CADM2: variants seen among roughly 807,000 people sequenced by gnomAD.
CADM2 encodes the protein immunoglobulin superfamily member 4D.
A neutral mutation model predicts 49.8 loss-of-function variants in CADM2; 12 were observed. That is an observed-to-expected ratio of 0.24 (90% CI 0.15 to 0.39). CADM2 has a LOEUF of 0.39. CADM2 is among the 10% of genes least tolerant of loss of function. The pLI, the probability that CADM2 is intolerant of heterozygous loss-of-function variation, is 1.00. For missense variants in CADM2, 378 were observed against 492.3 expected (o/e 0.77, Z 2.20); for synonymous variants, 214 against 175.4 (o/e 1.22, Z -1.74).
chr3:85,194,198 G>A (rs921058975), intron 1 of CADM2, among the ~76,000 whole-genome samples: 2 of 152,064 alleles, frequency 1.3e-5, no homozygotes, highest in Non-Finnish European at 2.9e-5. Flanking sequence ...AAGTGCGCTA[G>A]GTAAGAGGGT....
At chr3:84,967,317 A>T (rs926418241) in intron 1 of CADM2, among the ~76,000 whole-genome samples, 2 of 152,100 alleles carry the variant, frequency 1.3e-5, no homozygotes, top group Non-Finnish European at 2.9e-5. Flanking sequence ...TAGTGTGTAA[A>T]AAAAGTCCTA....
chr3:85,147,228 T>C (rs1197597597), intron 1 of CADM2, among the ~76,000 whole-genome samples: 7 of 138,050 alleles, frequency 5.1e-5, no homozygotes, highest in African/African-American at 8.1e-5. Flanking sequence ...TGAGCTGAGA[T>C]TGTGCCACAG....
intron 8 of CADM2, among the ~76,000 whole-genome samples, chr3:86,044,109 T>C (rs1392982609): frequency 1.3e-5 from 2 of 152,194 alleles, no homozygotes; most frequent in East Asian, 3.8e-4. Flanking sequence ...ATAAAAATCC[T>C]AGAAGAAAAC....
chr3:86,014,215 G>A (rs9810010), intron 8 of CADM2: 246,588 of 1,288,368 alleles, frequency 0.19, 25,974 homozygotes, highest in East Asian at 0.36. Context: ...ATTAGATGGA[G>A]TAACTGTGTA....
chr3:85,707,886 A>C (rs1327522641), intron 1 of CADM2, among the ~76,000 whole-genome samples: 1 of 152,182 alleles, frequency 6.6e-6, no homozygotes, highest in Non-Finnish European at 1.5e-5. Flanking sequence ...CACCATGTGG[A>C]ATATATTATA....
intron 1 of CADM2, among the ~76,000 whole-genome samples, chr3:85,105,908 C>T (rs1310293775): frequency 2.0e-5 from 3 of 149,168 alleles, no homozygotes; most frequent in African/African-American, 7.5e-5. Flanking sequence ...AACACATGGA[C>T]ACAGGAAGGG....
At chr3:85,791,192 C>T (rs1343779752) in intron 2 of CADM2, among the ~76,000 whole-genome samples, 2 of 152,138 alleles carry the variant, frequency 1.3e-5, no homozygotes, top group African/African-American at 2.4e-5. Context: ...TTTCCTATCT[C>T]ACATGATAGA....
intron 1 of CADM2, among the ~76,000 whole-genome samples, chr3:85,459,168 G>A (rs1291085057): frequency 1.3e-5 from 2 of 152,156 alleles, no homozygotes; most frequent in Non-Finnish European, 2.9e-5. Flanking sequence ...GGTTAGCTCA[G>A]TGGCCCATGT....
chr3:85,627,851 G>T (rs2064172947), intron 1 of CADM2, among the ~76,000 whole-genome samples: 1 of 152,010 alleles, frequency 6.6e-6, no homozygotes, highest in South Asian at 2.1e-4. Flanking sequence ...TAGAGAATTG[G>T]ACAACTGCGA....
intron 1 of CADM2, among the ~76,000 whole-genome samples, chr3:85,262,795 T>A (rs1343641393): frequency 7.9e-6 from 1 of 126,048 alleles, no homozygotes; most frequent in African/African-American, 3.0e-5. Context: ...CATCTATTAT[T>A]TTTATAGAAC....
At chr3:85,100,070 A>T (rs956208934) in intron 1 of CADM2, among the ~76,000 whole-genome samples, 2 of 152,080 alleles carry the variant, frequency 1.3e-5, no homozygotes, top group African/African-American at 4.8e-5. Flanking sequence ...TGACTATTAC[A>T]CTTTCAGTGT....
chr3:85,839,993 G>C (rs1263071150), intron 3 of CADM2, among the ~76,000 whole-genome samples: 1 of 151,802 alleles, frequency 6.6e-6, no homozygotes, highest in African/African-American at 2.4e-5. Flanking sequence ...ATTCTACTCA[G>C]AATTGTATAC....
At chr3:85,556,023 G>C (rs2061948726) in intron 1 of CADM2, among the ~76,000 whole-genome samples, 1 of 152,014 alleles carries the variant, frequency 6.6e-6, no homozygotes, top group Admixed American at 6.6e-5. Context: ...ACAAGGATCA[G>C]GGGCATTGAC....
At chr3:85,833,145 A>T (rs2074255820) in intron 3 of CADM2, among the ~76,000 whole-genome samples, 1 of 151,894 alleles carries the variant, frequency 6.6e-6, no homozygotes, top group Non-Finnish European at 1.5e-5. Context: ...CTAAACCATC[A>T]CTGCATCCCA....
At chr3:85,946,834 A>G (rs1378491784) in intron 7 of CADM2, among the ~76,000 whole-genome samples, 3 of 152,198 alleles carry the variant, frequency 2.0e-5, no homozygotes, top group Admixed American at 6.6e-5. Context: ...ACCTAAAACC[A>G]TAAAAACCCT....
chr3:85,421,612 T>C (rs2107498836), intron 1 of CADM2, among the ~76,000 whole-genome samples: 1 of 152,312 alleles, frequency 6.6e-6, no homozygotes, highest in South Asian at 2.1e-4. Context: ...TGGTCCTGAA[T>C]CTTTTCCTTT....
chr3:86,063,396 G>A (rs532626801), intron 8 of CADM2, among the ~76,000 whole-genome samples: 42 of 152,274 alleles, frequency 2.8e-4, no homozygotes, highest in African/African-American at 9.1e-4. Context: ...AAACATGCCA[G>A]GCTGGCATTA....
intron 1 of CADM2, among the ~76,000 whole-genome samples, chr3:85,069,248 A>C (rs943164203): frequency 1.3e-5 from 2 of 151,988 alleles, no homozygotes; most frequent in Non-Finnish European, 2.9e-5. Flanking sequence ...TTATTCCCTT[A>C]ATTATAATTA....
At chr3:86,033,070 A>G (rs772929864) in intron 8 of CADM2, among the ~76,000 whole-genome samples, 16 of 151,642 alleles carry the variant, frequency 1.1e-4, no homozygotes, top group Non-Finnish European at 1.9e-4. Context: ...TCCCCACCTC[A>G]TGCTGCCATC....
Sources: gnomAD v4.1 joint callset for allele counts (sites outside exome capture counted in the v4.1 genomes callset) on GRCh38, gnomAD v4.1.1 for gene constraint, MANE v1.5 for transcripts, NCBI Gene and HGNC (gene_info 2026-07-23, HGNC 2026-07-21) for gene names.